APBB2: variants seen among roughly 807,000 people sequenced by gnomAD.
APBB2 encodes the protein amyloid beta precursor protein binding family B member 2, also known as Fe65-like 1.
In APBB2, 38 loss-of-function variants were observed where a neutral mutation model predicts 82.5. The observed-to-expected ratio is 0.46, with a 90% confidence interval of 0.36 to 0.60. APBB2 has a LOEUF of 0.60. Among genes scored for constraint, APBB2 ranks in the 20% least tolerant of loss-of-function variants. The pLI is 0.00. For missense variants in APBB2, 772 were observed against 972.3 expected, an observed-to-expected ratio of 0.79 and a Z score of 2.74; for synonymous variants, 341 against 368.2, an observed-to-expected ratio of 0.93 and a Z score of 0.85.
At chr4:41,159,640 T>G (rs1764323898) in intron 1 of APBB2, among the ~76,000 whole-genome samples, 1 of 152,140 alleles carries the variant, frequency 6.6e-6, no homozygotes, top group Non-Finnish European at 1.5e-5. Context: ...CTGTCAATTC[T>G]TATAGAGATA....
chr4:40,816,316 A>G (rs1745624216), intron 17 of APBB2, 57 bp from the exon 18 acceptor site: 14 of 1,590,420 alleles, frequency 8.8e-6, no homozygotes, highest in African/African-American at 1.3e-5. Flanking sequence ...TTCATCTTTA[A>G]TATGACTTTA....
At chr4:40,848,155 T>C (rs530195443) in intron 12 of APBB2, among the ~76,000 whole-genome samples, 4 of 152,334 alleles carry the variant, frequency 2.6e-5, no homozygotes, top group African/African-American at 9.6e-5. Flanking sequence ...TCTGGTATAA[T>C]GTAAACTCAA....
At chr4:40,854,189 C>T (rs1412770714) in intron 12 of APBB2, among the ~76,000 whole-genome samples, 3 of 152,210 alleles carry the variant, frequency 2.0e-5, no homozygotes, top group African/African-American at 7.2e-5. Context: ...TTATGGAGGG[C>T]ATCCTATACT....
chr4:40,863,409 T>C (rs1344490788), intron 12 of APBB2, among the ~76,000 whole-genome samples: 1 of 152,158 alleles, frequency 6.6e-6, no homozygotes, highest in Non-Finnish European at 1.5e-5. Context: ...TCTGATTCAG[T>C]GGGTCTGCAG....
intron 3 of APBB2, among the ~76,000 whole-genome samples, chr4:41,080,904 G>A (rs1370028839): frequency 1.3e-5 from 2 of 151,794 alleles, no homozygotes; most frequent in Non-Finnish European, 1.5e-5. Flanking sequence ...TTTGTTTTAG[G>A]AGATGTTTTG....
chr4:41,148,239 C>T (rs963396139), intron 1 of APBB2, among the ~76,000 whole-genome samples: 7 of 152,024 alleles, frequency 4.6e-5, no homozygotes, highest in East Asian at 1.9e-4. Flanking sequence ...TAGGGGAAGG[C>T]GAATATTAAT....
intron 6 of APBB2, among the ~76,000 whole-genome samples, chr4:40,971,104 T>C (rs1795829288): frequency 2.6e-5 from 4 of 152,210 alleles, no homozygotes; most frequent in Non-Finnish European, 2.9e-5. Context: ...ATGATTCCTA[T>C]ACCAAGGCTA....
At chr4:41,004,836 C>CAAAAAAAA (rs34941899) in intron 6 of APBB2, among the ~76,000 whole-genome samples, 12 of 49,260 alleles carry the variant, frequency 2.4e-4, no homozygotes, top group African/African-American at 2.5e-4. Flanking sequence ...GACCCCATCT[C>CAAAAAAAA]AAAAAAAAAA....
intron 12 of APBB2, among the ~76,000 whole-genome samples, chr4:40,831,902 C>T (rs1023906973): frequency 4.6e-5 from 7 of 152,106 alleles, no homozygotes; most frequent in Non-Finnish European, 8.8e-5. Context: ...CATTACTTGG[C>T]TTCAAAAGAA....
At chr4:40,877,209 C>T (rs911011611) in intron 12 of APBB2, among the ~76,000 whole-genome samples, 4 of 152,202 alleles carry the variant, frequency 2.6e-5, no homozygotes, top group Admixed American at 6.5e-5. Context: ...TCTTGGCCAA[C>T]GTGGAGTATA....
intron 12 of APBB2, among the ~76,000 whole-genome samples, chr4:40,870,562 G>T (rs542465463): frequency 6.6e-6 from 1 of 152,148 alleles, no homozygotes; most frequent in Admixed American, 6.5e-5. Flanking sequence ...AGGAGAGACA[G>T]CTGGGTGAGG....
At chr4:41,134,896 T>C (rs28663214) in intron 2 of APBB2, among the ~76,000 whole-genome samples, 21 of 152,316 alleles carry the variant, frequency 1.4e-4, no homozygotes, top group Middle Eastern at 3.4e-3. Flanking sequence ...ACTAGTTCAC[T>C]TGGAATTTAA....
intron 1 of APBB2, among the ~76,000 whole-genome samples, chr4:41,188,640 T>C (rs1274889855): frequency 6.6e-6 from 1 of 152,238 alleles, no homozygotes. Context: ...TAAGTGTCTG[T>C]TGTTTTAGAG....
chr4:40,993,862 C>T (rs4861352), intron 6 of APBB2, among the ~76,000 whole-genome samples: 14,378 of 152,112 alleles, frequency 0.095, 775 homozygotes, highest in Admixed American at 0.15. Context: ...TAAAGCAGTT[C>T]CTGTGTCAGA....
intron 2 of APBB2, among the ~76,000 whole-genome samples, chr4:41,112,428 G>A (rs1749522411): frequency 6.6e-6 from 1 of 152,186 alleles, no homozygotes; most frequent in Admixed American, 6.5e-5. Context: ...CATGGCCTAT[G>A]CAGGGCACTC....
chr4:41,011,504 C>T (rs947977122), intron 6 of APBB2, among the ~76,000 whole-genome samples: 2 of 152,056 alleles, frequency 1.3e-5, no homozygotes, highest in African/African-American at 2.4e-5. Flanking sequence ...GATCTTGGCT[C>T]ACTGCAACTT....
At chr4:40,841,981 T>C (rs1577878517) in intron 12 of APBB2, among the ~76,000 whole-genome samples, 1 of 152,130 alleles carries the variant, frequency 6.6e-6, no homozygotes, top group East Asian at 1.9e-4. Context: ...CGCCCGGCCA[T>C]GATATTAATT....
chr4:40,912,927 C>T (rs1778928748), intron 10 of APBB2, among the ~76,000 whole-genome samples: 1 of 152,298 alleles, frequency 6.6e-6, no homozygotes, highest in African/African-American at 2.4e-5. Flanking sequence ...TTTAGTTTTC[C>T]CCTGCAGGAG....
intron 3 of APBB2, among the ~76,000 whole-genome samples, chr4:41,092,516 T>A (rs937312436): frequency 1.3e-5 from 2 of 151,952 alleles, no homozygotes; most frequent in African/African-American, 4.8e-5. Context: ...TAGTGAAACC[T>A]CGTCTCCACT....
Sources: gnomAD v4.1 joint callset for allele counts (sites outside exome capture counted in the v4.1 genomes callset) on GRCh38, gnomAD v4.1.1 for gene constraint, MANE v1.5 for transcripts, NCBI Gene and HGNC (gene_info 2026-07-23, HGNC 2026-07-21) for gene names.